The following DIS3L2 variants were observed in gnomAD, a reference collection of about 807,000 sequenced individuals.
The protein encoded by DIS3L2 is DIS3-like exonuclease 2.
A neutral mutation model predicts 97.5 loss-of-function variants in DIS3L2; 34 were observed. The ratio of observed to expected loss-of-function variants is 0.35; its 90% confidence interval spans 0.27 to 0.46. DIS3L2 has a LOEUF of 0.46. DIS3L2 is among the 20% of genes least tolerant of loss of function. The pLI is 1.00. For synonymous variants in DIS3L2, 435 were observed against 445.2 expected (o/e 0.98, Z 0.29); for missense variants, 1,038 against 1,146.0 (o/e 0.91, Z 1.36).
intron 11 of DIS3L2, among the ~76,000 whole-genome samples, chr2:232,240,449 A>AG (rs1693049943): frequency 6.6e-6 from 1 of 152,222 alleles, no homozygotes; most frequent in Non-Finnish European, 1.5e-5. Context: ...ACCCCATTCC[A>AG]GGTAACTGTG....
chr2:232,343,757 C>CT, exon 14 of DIS3L2: 1 of 635,794 alleles, frequency 1.6e-6, no homozygotes, highest in Non-Finnish European at 2.7e-6. Flanking sequence ...CTGCTATACC[C>CT]TCTTCAGCCT....
chr2:232,274,547 G>T (rs1694091341), intron 13 of DIS3L2, among the ~76,000 whole-genome samples: 1 of 152,182 alleles, frequency 6.6e-6, no homozygotes, highest in South Asian at 2.1e-4. Context: ...GTGAGCTGGG[G>T]CTCTGCTGCG....
chr2:232,286,565 T>A (rs1402277221), intron 13 of DIS3L2, among the ~76,000 whole-genome samples: 1 of 152,254 alleles, frequency 6.6e-6, no homozygotes, highest in Non-Finnish European at 1.5e-5. Flanking sequence ...AATTCTGATC[T>A]CAACTCATTA....
intron 13 of DIS3L2, among the ~76,000 whole-genome samples, chr2:232,267,749 C>G (rs1693889238): frequency 6.6e-6 from 1 of 152,192 alleles, no homozygotes; most frequent in African/African-American, 2.4e-5. Flanking sequence ...GTAGGGGTCA[C>G]AGAGTCCCCT....
chr2:232,139,864 CAA>C, intron 8 of DIS3L2, among the ~76,000 whole-genome samples: 1 of 152,018 alleles, frequency 6.6e-6, no homozygotes, highest in South Asian at 2.1e-4. Context: ...ATGGAGGAAA[CAA>C]AAGAAATGAA....
At chr2:232,257,513 T>A (rs1267014926) in intron 12 of DIS3L2, among the ~76,000 whole-genome samples, 2 of 152,292 alleles carry the variant, frequency 1.3e-5, no homozygotes, top group South Asian at 2.1e-4. Flanking sequence ...CCTCCCACCC[T>A]CCGTCACTCC....
intron 14 of DIS3L2, among the ~76,000 whole-genome samples, chr2:232,320,342 A>C (rs6437061): frequency 0.56 from 84,890 of 152,070 alleles, 26,234 homozygotes; most frequent in East Asian, 0.85. Context: ...GGAAAAAAAA[A>C]CAAGACAAAA....
At chr2:232,129,791 AG>A (rs1424663008) in intron 6 of DIS3L2, among the ~76,000 whole-genome samples, 1 of 152,230 alleles carries the variant, frequency 6.6e-6, no homozygotes, top group African/African-American at 2.4e-5. Context: ...CTCTCTGGAG[AG>A]GCTCCCACGT....
At chr2:232,259,205 G>T (rs1345764959) in intron 12 of DIS3L2, among the ~76,000 whole-genome samples, 1 of 152,092 alleles carries the variant, frequency 6.6e-6, no homozygotes, top group Non-Finnish European at 1.5e-5. Context: ...CATCAGCACT[G>T]CAGTCTCCAA....
intron 7 of DIS3L2, chr2:232,131,538 T>G (rs1698216658): frequency 6.6e-6 from 1 of 152,122 alleles, no homozygotes; most frequent in Admixed American, 6.6e-5. Context: ...TGCCTCAGCC[T>G]CCCAAAGTGC....
intron 9 of DIS3L2, among the ~76,000 whole-genome samples, chr2:232,182,480 T>G (rs549863189): frequency 3.0e-4 from 45 of 152,368 alleles, no homozygotes; most frequent in Non-Finnish European, 5.6e-4. Flanking sequence ...CTTGTTTATC[T>G]TTTGTTTATT....
At chr2:232,202,101 G>C (rs1005361588) in intron 9 of DIS3L2, among the ~76,000 whole-genome samples, 2 of 152,110 alleles carry the variant, frequency 1.3e-5, no homozygotes, top group Admixed American at 6.5e-5. Context: ...TCAGGATGTT[G>C]TTTTTTTAAA....
At chr2:232,106,797 A>G (rs1036326328) in intron 6 of DIS3L2, among the ~76,000 whole-genome samples, 3 of 152,250 alleles carry the variant, frequency 2.0e-5, no homozygotes, top group Non-Finnish European at 2.9e-5. Context: ...AAACAACAGA[A>G]TATACATTAT....
At chr2:232,021,279 A>G (rs1183737983) in intron 3 of DIS3L2, among the ~76,000 whole-genome samples, 1 of 152,154 alleles carries the variant, frequency 6.6e-6, no homozygotes, top group Non-Finnish European at 1.5e-5. Flanking sequence ...ATGATAGGCC[A>G]TGGCAATTAG....
At chr2:232,077,408 G>T (rs1201664577) in intron 5 of DIS3L2, among the ~76,000 whole-genome samples, 3 of 152,100 alleles carry the variant, frequency 2.0e-5, no homozygotes, top group East Asian at 3.8e-4. Flanking sequence ...GGAGTTGGGG[G>T]TGAGGTCAAA....
chr2:232,029,296 C>A (rs1250453894), intron 4 of DIS3L2, among the ~76,000 whole-genome samples: 1 of 152,116 alleles, frequency 6.6e-6, no homozygotes, highest in African/African-American at 2.4e-5. Flanking sequence ...TTCTCAGGAA[C>A]CCTGACTGCT....
intron 9 of DIS3L2, among the ~76,000 whole-genome samples, chr2:232,185,150 C>T (rs1321474274): frequency 6.6e-6 from 1 of 152,030 alleles, no homozygotes; most frequent in Admixed American, 6.5e-5. Context: ...GCATCCAGAC[C>T]CAAATAAAGT....
intron 9 of DIS3L2, among the ~76,000 whole-genome samples, chr2:232,192,611 G>A (rs2106197651): frequency 6.6e-6 from 1 of 152,284 alleles, no homozygotes; most frequent in Non-Finnish European, 1.5e-5. Flanking sequence ...GAAAGTCGCG[G>A]CACCCTCCCT....
intron 6 of DIS3L2, among the ~76,000 whole-genome samples, chr2:232,109,404 A>G (rs1490789594): frequency 6.6e-6 from 1 of 152,042 alleles, no homozygotes; most frequent in Admixed American, 6.6e-5. Context: ...TTGCACCACT[A>G]CACTCCAGCC....
Sources: gnomAD v4.1 joint callset for allele counts (sites outside exome capture counted in the v4.1 genomes callset) on GRCh38, gnomAD v4.1.1 for gene constraint, MANE v1.5 for transcripts, NCBI Gene and HGNC (gene_info 2026-07-23, HGNC 2026-07-21) for gene names.